Variants in SLC44A5 observed in about 807,000 individuals in gnomAD.
SLC44A5 encodes the protein solute carrier family 44 member 5.
In SLC44A5, 57 loss-of-function variants were observed where a neutral mutation model predicts 101.8. That is an observed-to-expected ratio of 0.56 (90% CI 0.45 to 0.70). SLC44A5 has a LOEUF of 0.70. Ranked by LOEUF, SLC44A5 falls within the 30% of genes least tolerant of loss-of-function variation. The probability of loss-of-function intolerance (pLI) is 0.00; values close to 1 mark genes in which losing one functional copy is unlikely to be tolerated. For synonymous variants in SLC44A5, 281 were observed against 290.9 expected (o/e 0.97, Z 0.35); for missense variants, 737 against 853.1 (o/e 0.86, Z 1.70).
chr1:75,621,851 A>C, the SLC44A5 span, among the ~76,000 whole-genome samples: 1 of 152,130 alleles, frequency 6.6e-6, no homozygotes, highest in Admixed American at 6.5e-5. Context: ...GAGATTAGCC[A>C]GCTAGTCCAT....
chr1:75,260,955 A>G (rs905979465), intron 6 of SLC44A5, among the ~76,000 whole-genome samples: 2 of 152,162 alleles, frequency 1.3e-5, no homozygotes, highest in African/African-American at 4.8e-5. Context: ...AGGCAGAAAT[A>G]TAGATGTTCT....
At chr1:75,651,072 T>A in the SLC44A5 span, among the ~76,000 whole-genome samples, 3 of 152,212 alleles carry the variant, frequency 2.0e-5, no homozygotes, top group African/African-American at 7.2e-5. Flanking sequence ...TTGCCATAAT[T>A]TAATTGGCTT....
In SLC44A5 at chr1:75,238,361, C is replaced by T. The variant is rs898551474; in HGVS notation, c.656+152G>A. On this transcript the variant is annotated intron_variant, in intron 10 of 23. Coordinates refer to ENST00000370859, the MANE Select transcript of SLC44A5 (RefSeq NM_001130058.2). ...CTTAATGAATATGTATCAAGCTCTT[C>T]AATTCACAGTAACACGTATATTTCA... 1.0e-4 allele frequency: 25 copies of T among 245,392 alleles called. 1 individual carries two copies. The highest frequency in any genetic ancestry group is 6.1e-4 in the African/African-American group (25 of 40,670). 15.2% of individuals were successfully genotyped at this position (245,392 alleles called of 1,614,324 possible).
chr1:75,572,689 T>A (rs1042595440), intron 1 of SLC44A5, among the ~76,000 whole-genome samples: 5 of 152,130 alleles, frequency 3.3e-5, no homozygotes, highest in Admixed American at 6.5e-5. Flanking sequence ...GTCAATGAAA[T>A]AAGAAATACA....
At chr1:75,695,496 G>A in the SLC44A5 span, among the ~76,000 whole-genome samples, 1 of 151,930 alleles carries the variant, frequency 6.6e-6, no homozygotes, top group South Asian at 2.1e-4. Flanking sequence ...ACTTCTGATA[G>A]CCTAGGAATT....
In SLC44A5 at chr1:75,211,509, C is replaced by T. The variant is rs1646852456; in HGVS notation, c.2006G>A (p.Ser669Asn). Residue 669 changes from serine (S) to asparagine (N), a missense_variant, in exon 23 of 24, where the codon AGC (serine) becomes AAC (asparagine). This residue lies in a region of SLC44A5 where 61 missense variants were observed against 56.5 expected (regional missense o/e 1.08). Coordinates refer to ENST00000370859, the MANE Select transcript of SLC44A5 (RefSeq NM_001130058.2). ...TGTTTCAACACACATTGCATAGACG[C>T]TGAAGAACCCATGTGCAATCAGGTA... ...GSYLIAHGFF[S>N]VYAMCVETIF... 1 of 1,612,692 alleles carries T rather than the reference C, an allele frequency of 6.2e-7. No homozygotes were observed. The highest frequency in any genetic ancestry group is 1.1e-5 in the South Asian group (1 of 91,046).
chr1:75,218,037 A>T (rs1646999122), intron 17 of SLC44A5, 77 bp from the exon 18 acceptor site: 1 of 960,428 alleles, frequency 1.0e-6, no homozygotes, highest in African/African-American at 1.7e-5. Context: ...TAATTTTCAC[A>T]AGTAAAAGGT....
intron 2 of SLC44A5, among the ~76,000 whole-genome samples, chr1:75,477,682 C>T (rs187443481): frequency 2.0e-3 from 305 of 152,016 alleles, no homozygotes; most frequent in African/African-American, 6.3e-3. Flanking sequence ...TGAAATGAAA[C>T]GAGAAGGGAA....
intron 6 of SLC44A5, among the ~76,000 whole-genome samples, chr1:75,266,318 TACACACACACAC>T (rs61250669): frequency 3.5e-4 from 51 of 146,940 alleles, no homozygotes; most frequent in African/African-American, 1.1e-3. Context: ...GGCATAGAAA[TACACACACACAC>T]ACACACACAC....
Position 75,267,327 on chromosome 1 carries a change from G to GT in SLC44A5, c.260+7630_260+7631insA, listed in dbSNP as rs1651078309. 5.9e-5 allele frequency among the ~76,000 whole-genome samples: 9 copies of GT among 151,840 alleles called. 1 individual carries two copies. The highest frequency in any genetic ancestry group is 1.7e-4 in the African/African-American group (7 of 41,380). Reference sequence around the variant, plus strand: ...TATTCTTTTGAGAAAATGTTTATCTGGTTTTTTTTTCTTTTAAAGGGGCTT... The same window carrying GT: ...TATTCTTTTGAGAAAATGTTTATCTGTGTTTTTTTTTCTTTTAAAGGGGCTT... On this transcript the variant is annotated intron_variant, in intron 6 of 23. Coordinates refer to ENST00000370859, the MANE Select transcript of SLC44A5 (RefSeq NM_001130058.2).
At chr1:75,342,218 G>C (rs1200733719) in intron 3 of SLC44A5, among the ~76,000 whole-genome samples, 2 of 152,102 alleles carry the variant, frequency 1.3e-5, no homozygotes, top group Admixed American at 6.6e-5. Context: ...AAAAAGGAAA[G>C]ATCATAAACT....
intron 17 of SLC44A5, 59 bp from the exon 18 acceptor site, chr1:75,218,019 TAA>T: frequency 9.0e-7 from 1 of 1,113,568 alleles, no homozygotes; most frequent in Non-Finnish European, 1.3e-6. Flanking sequence ...AAGGGGATGC[TAA>T]TTGAATAATT....
the SLC44A5 span, among the ~76,000 whole-genome samples, chr1:75,622,935 A>G: frequency 1.3e-5 from 2 of 152,132 alleles, no homozygotes; most frequent in Non-Finnish European, 2.9e-5. Context: ...ATGGCATACC[A>G]ATTAACTAAA....
intron 12 of SLC44A5, among the ~76,000 whole-genome samples, chr1:75,232,323 T>C (rs887241178): frequency 2.6e-5 from 4 of 152,176 alleles, no homozygotes; most frequent in African/African-American, 9.6e-5. Context: ...CAGACTTTAC[T>C]GCCCTTTCCT....
intron 2 of SLC44A5, among the ~76,000 whole-genome samples, chr1:75,454,414 C>T (rs1214783018): frequency 6.6e-6 from 1 of 151,972 alleles, no homozygotes; most frequent in Non-Finnish European, 1.5e-5. Context: ...ATAATAAGAG[C>T]CATCTATGAA....
At chr1:75,635,668 A>AG in the SLC44A5 span, among the ~76,000 whole-genome samples, 10 of 57,452 alleles carry the variant, frequency 1.7e-4, no homozygotes, top group Non-Finnish European at 2.6e-4. Flanking sequence ...GGGTGGGGGG[A>AG]GGGGGGGAGG....
intron 2 of SLC44A5, among the ~76,000 whole-genome samples, chr1:75,491,014 G>C (rs1668397917): frequency 6.6e-6 from 1 of 151,894 alleles, no homozygotes; most frequent in Non-Finnish European, 1.5e-5. Flanking sequence ...GAAGAGCCTA[G>C]ATTTTGTGCA....
At chr1:75,398,535 A>G in intron 2 of SLC44A5, 1 of 264,538 alleles carries the variant, frequency 3.8e-6, no homozygotes, top group Non-Finnish European at 5.9e-6. Flanking sequence ...TTTACACTTG[A>G]GAATACTGAA....
chr1:75,580,612 GTGGA>G (rs1024242778), intron 1 of SLC44A5, among the ~76,000 whole-genome samples: 15 of 152,304 alleles, frequency 9.8e-5, no homozygotes, highest in African/African-American at 3.6e-4. Context: ...GCTGAGGAGG[GTGGA>G]TCACTTGAGA....
Sources: allele counts gnomAD v4.1 joint callset (sites outside exome capture counted in the v4.1 genomes callset), GRCh38; gene constraint gnomAD v4.1.1; regional missense constraint gnomAD v4.1.1; transcripts MANE v1.5; gene names NCBI Gene and HGNC (gene_info 2026-07-23, HGNC 2026-07-21).